The following PIGK variants were observed in gnomAD, a reference collection of about 807,000 sequenced individuals.
PIGK encodes the protein phosphatidylinositol glycan anchor biosynthesis class K, also known as GPI-anchor transamidase.
In PIGK, 42 loss-of-function variants were observed where a neutral mutation model predicts 50.6. The ratio of observed to expected loss-of-function variants is 0.83; its 90% CI spans 0.65 to 1.07. The LOEUF is 1.07. Among genes scored for constraint, PIGK ranks in the 50% least tolerant of loss-of-function variants. The pLI is 0.00. For synonymous variants in PIGK, 151 were observed against 156.0 expected, an observed-to-expected ratio of 0.97 and a Z score of 0.24; for missense variants, 448 against 488.7, an observed-to-expected ratio of 0.92 and a Z score of 0.78.
intron 10 of PIGK, among the ~76,000 whole-genome samples, chr1:77,110,899 C>CA (rs1467633283): frequency 2.6e-5 from 4 of 151,974 alleles, no homozygotes. Context: ...ACAAAGAACT[C>CA]AAACAAATTT....
At chr1:77,213,474 C>T (rs1241601990) in intron 1 of PIGK, among the ~76,000 whole-genome samples, 1 of 151,892 alleles carries the variant, frequency 6.6e-6, no homozygotes, top group Non-Finnish European at 1.5e-5. Flanking sequence ...ACCAATGGGT[C>T]AAAGAAGAAA....
At chr1:77,205,173 C>T (rs866700030) in intron 3 of PIGK, among the ~76,000 whole-genome samples, 7 of 152,010 alleles carry the variant, frequency 4.6e-5, no homozygotes, top group Middle Eastern at 6.8e-3. Context: ...GATTAATTTA[C>T]CAAAGAAAAA....
In PIGK at chr1:77,090,010, C is replaced by T. The variant is rs1653260358; in HGVS notation, c.*2364G>A. 6.6e-6 allele frequency: 1 copy of T among 152,200 alleles called. No homozygotes were observed. Among genetic ancestry groups the T allele is most frequent in the South Asian group, 2.1e-4 (1 of 4,830 alleles). 9.4% of individuals were successfully genotyped at this position (152,200 alleles called of 1,614,324 possible). ...TCACATTGAGTAGCTTAGAAAGCTACATAAGTGCACTGTGACCATTAACTT... is the reference window on the plus strand; with the variant it reads ...TCACATTGAGTAGCTTAGAAAGCTATATAAGTGCACTGTGACCATTAACTT... On this transcript the variant is annotated 3_prime_UTR_variant, in exon 11 of 11. Transcript: ENST00000370812.
At chr1:77,127,401 G>T (rs839837) in intron 9 of PIGK, among the ~76,000 whole-genome samples, 4 of 152,204 alleles carry the variant, frequency 2.6e-5, no homozygotes, top group South Asian at 4.1e-4. Flanking sequence ...GACAATTCAC[G>T]TATAAAATAA....
intron 3 of PIGK, among the ~76,000 whole-genome samples, chr1:77,188,092 A>C (rs909182882): frequency 1.3e-5 from 2 of 152,170 alleles, no homozygotes; most frequent in Admixed American, 6.5e-5. Context: ...ATTGTACAGC[A>C]TGTGTGTTTG....
intron 10 of PIGK, among the ~76,000 whole-genome samples, chr1:77,118,238 TTTTC>T (rs1026646810): frequency 2.6e-5 from 4 of 152,146 alleles, no homozygotes; most frequent in African/African-American, 9.7e-5. Context: ...CTGCCTTTTC[TTTTC>T]TTTCTTTCTT....
intron 1 of PIGK, 89 bp from the exon 2 acceptor site, chr1:77,210,578 C>A: frequency 2.8e-6 from 2 of 723,868 alleles, no homozygotes; most frequent in Non-Finnish European, 4.7e-6. Flanking sequence ...GTAGTTTTTA[C>A]AGTTGTAATA....
intron 3 of PIGK, among the ~76,000 whole-genome samples, chr1:77,175,543 TA>T (rs1655465933): frequency 6.6e-6 from 1 of 152,098 alleles, no homozygotes; most frequent in Non-Finnish European, 1.5e-5. Context: ...GCAAGGTGTA[TA>T]AGGAAAGTAA....
chr1:77,105,284 G>A (rs1653642340), intron 10 of PIGK, among the ~76,000 whole-genome samples: 1 of 151,954 alleles, frequency 6.6e-6, no homozygotes, highest in South Asian at 2.1e-4. Context: ...GGATGGGGGT[G>A]GGGCAGGCCA....
At chr1:77,125,295 G>A (rs1454323316) in intron 9 of PIGK, among the ~76,000 whole-genome samples, 2 of 152,160 alleles carry the variant, frequency 1.3e-5, no homozygotes, top group Non-Finnish European at 2.9e-5. Context: ...AAAGTGAGCT[G>A]CAGATACCAT....
At chr1:77,133,899 CA>C (rs1420368001) in intron 9 of PIGK, among the ~76,000 whole-genome samples, 1,654 of 152,276 alleles carry the variant, frequency 0.011, 25 homozygotes, top group African/African-American at 0.038. Context: ...AAGAATTTGG[CA>C]TGCCAGCCTC....
chr1:77,139,320 C>G (rs2100541504), intron 9 of PIGK, among the ~76,000 whole-genome samples: 1 of 151,718 alleles, frequency 6.6e-6, no homozygotes, highest in Middle Eastern at 3.4e-3. Flanking sequence ...CGAATACTTT[C>G]TGCTACTAGA....
At chr1:77,176,275 G>A (rs1276656595) in intron 3 of PIGK, among the ~76,000 whole-genome samples, 1 of 152,076 alleles carries the variant, frequency 6.6e-6, no homozygotes, top group Non-Finnish European at 1.5e-5. Context: ...CTAACTTTGG[G>A]ATGCTACAGA....
At chr1:77,208,480 G>T (rs2100587232) in intron 2 of PIGK, among the ~76,000 whole-genome samples, 1 of 152,194 alleles carries the variant, frequency 6.6e-6, no homozygotes, top group Admixed American at 6.5e-5. Context: ...CAAAAGATAA[G>T]CCCTTTGCAA....
intron 8 of PIGK, among the ~76,000 whole-genome samples, 180 bp downstream of exon 8, chr1:77,161,115 C>A (rs944867710): frequency 1.3e-5 from 2 of 152,120 alleles, no homozygotes; most frequent in East Asian, 3.9e-4. Flanking sequence ...AAACATCAGG[C>A]CTCTTGTAGA....
In PIGK at chr1:77,206,687, A is replaced by G; in HGVS notation, c.192T>C (p.Asn64=). ...TGACACTTCTATAAACAGAAAGGGT[A>G]TTTGCAACATGTCGATAATTAAACC... is the stretch of plus-strand genomic sequence containing the variant. ...RFWFNYRHVA[N]TLSVYRSVKR... is the part of the protein sequence containing the mutation. The change falls in exon 3 of 11, where the codon AAT becomes AAC. Residue 64 remains asparagine (N), a synonymous_variant. Transcript: ENST00000370812. 1.2e-6 allele frequency: 2 copies of G among 1,612,068 alleles called. No individual in the cohort carries two copies. Among genetic ancestry groups the G allele is most frequent in the Non-Finnish European group, 1.7e-6 (2 of 1,178,282 alleles).
chr1:77,144,958 G>A (rs929400564), intron 9 of PIGK, among the ~76,000 whole-genome samples: 12 of 151,854 alleles, frequency 7.9e-5, no homozygotes, highest in African/African-American at 1.2e-4. Context: ...TTATACTGAT[G>A]AGTAAATTAA....
rs115879024 is a variant in PIGK, at chr1:77,210,866, T to C, written c.94-377A>G. 2.4e-3 allele frequency among the ~76,000 whole-genome samples: 363 copies of C among 152,210 alleles called. 2 individuals are homozygous for C. Among genetic ancestry groups the C allele is most frequent in the African/African-American group, 8.1e-3 (338 of 41,582 alleles). On this transcript the variant is annotated intron_variant, in intron 1 of 10. Coordinates refer to ENST00000370812, the MANE Select transcript of PIGK (RefSeq NM_005482.3). Reference sequence around the variant, plus strand: ...CTTTTAGAGAACTATAAGGTATATGTGCAAGAGCTTCTGCTTTAAAATATT... The same window carrying C: ...CTTTTAGAGAACTATAAGGTATATGCGCAAGAGCTTCTGCTTTAAAATATT...
rs1177777164 is a variant in PIGK at position 77,213,876 on chromosome 1, CAAAG to C, written c.94-3391_94-3388del. ...ATATTACAAATGGATCACTGAAGTA[CAAAG>C]AATCACTAGAGACTATTATAAACAA... On this transcript the variant is annotated intron_variant, in intron 1 of 10. Coordinates refer to ENST00000370812, the MANE Select transcript of PIGK (RefSeq NM_005482.3). 3.3e-5 allele frequency among the ~76,000 whole-genome samples: 5 copies of C among 152,028 alleles called. No homozygotes were observed. In the East Asian group the frequency reaches 7.7e-4, roughly 23 times the overall value.
Sources: gnomAD v4.1 joint callset for allele counts (sites outside exome capture counted in the v4.1 genomes callset) on GRCh38, gnomAD v4.1.1 for gene constraint, MANE v1.5 for transcripts, NCBI Gene and HGNC (gene_info 2026-07-23, HGNC 2026-07-21) for gene names.